The following EBF2 variants were observed in gnomAD, a reference collection of about 807,000 sequenced individuals.
The protein encoded by EBF2 is transcription factor COE2.
A neutral mutation model predicts 72.8 loss-of-function variants in EBF2; 21 were observed. That is an observed-to-expected ratio of 0.29 (90% confidence interval 0.20 to 0.42). The LOEUF (loss-of-function observed/expected upper bound fraction) is 0.42. Ranked by LOEUF, EBF2 falls within the 10% of genes least tolerant of loss-of-function variation. The pLI is 1.00. For synonymous variants in EBF2, 299 were observed against 274.2 expected, an observed-to-expected ratio of 1.09 and a Z score of -0.89; for missense variants, 637 against 731.2, an observed-to-expected ratio of 0.87 and a Z score of 1.49.
At chr8:26,022,723 C>T (rs1273615004) in intron 6 of EBF2, among the ~76,000 whole-genome samples, 1 of 152,146 alleles carries the variant, frequency 6.6e-6, no homozygotes. Context: ...TCGAGGGGAC[C>T]AGGAAAGTTT....
At chr8:25,926,362 C>G (rs1803386277) in intron 6 of EBF2, among the ~76,000 whole-genome samples, 1 of 152,158 alleles carries the variant, frequency 6.6e-6, no homozygotes, top group Non-Finnish European at 1.5e-5. Flanking sequence ...GATGTGTCTC[C>G]TCTCACCCCC....
intron 6 of EBF2, among the ~76,000 whole-genome samples, chr8:25,935,042 G>A (rs937219555): frequency 1.3e-5 from 2 of 152,112 alleles, no homozygotes; most frequent in African/African-American, 4.8e-5. Context: ...GGTGGGCAGC[G>A]GGCAGGATCC....
At chr8:25,982,417 C>T (rs1449150620) in intron 6 of EBF2, among the ~76,000 whole-genome samples, 1 of 152,174 alleles carries the variant, frequency 6.6e-6, no homozygotes, top group Non-Finnish European at 1.5e-5. Context: ...TGGCCCCGCT[C>T]CCTCATCCCT....
intron 6 of EBF2, among the ~76,000 whole-genome samples, chr8:25,929,080 A>T (rs749254729): frequency 2.0e-5 from 3 of 152,248 alleles, no homozygotes; most frequent in African/African-American, 7.2e-5. Context: ...ATGGAAAGTA[A>T]TATTACAACT....
intron 6 of EBF2, among the ~76,000 whole-genome samples, chr8:25,960,751 G>T (rs1327519193): frequency 1.3e-5 from 2 of 152,204 alleles, no homozygotes; most frequent in East Asian, 1.9e-4. Context: ...AGATGGAGCT[G>T]TTGGGGTGGT....
intron 14 of EBF2, 148 bp from the exon 15 acceptor site, chr8:25,850,909 T>A: frequency 1.2e-6 from 1 of 809,692 alleles, no homozygotes; most frequent in Non-Finnish European, 1.8e-6. Context: ...GTGACAACAT[T>A]CCCACCATGT....
intron 10 of EBF2, among the ~76,000 whole-genome samples, chr8:25,866,076 C>G (rs1488053020): frequency 6.6e-6 from 1 of 151,774 alleles, no homozygotes; most frequent in Non-Finnish European, 1.5e-5. Flanking sequence ...AGCCAAAACC[C>G]CTGACAGATA....
At chr8:25,992,348 A>AAAG (rs1453204977) in intron 6 of EBF2, among the ~76,000 whole-genome samples, 3 of 151,198 alleles carry the variant, frequency 2.0e-5, no homozygotes, top group Non-Finnish European at 4.4e-5. Flanking sequence ...AAAAAAAAAA[A>AAAG]AAAAAAAAAG....
chr8:25,861,033 CTAAG>C lies in EBF2; in HGVS notation c.1342+12_1342+15del, dbSNP rs1802202893. ...AATTAGACATATTTGGATTTTGACT[CTAAG>C]AAAGGTGGTACCTTGATTATTTCCT... On this transcript the variant is annotated intron_variant, in intron 13 of 15. Coordinates refer to ENST00000520164, the MANE Select transcript of EBF2 (RefSeq NM_022659.4). The C allele has an allele frequency of 6.2e-7, 1 of 1,614,004 alleles. No individual in the cohort carries two copies.
At chr8:25,865,308 T>C (rs1802290520) in intron 10 of EBF2, among the ~76,000 whole-genome samples, 2 of 152,058 alleles carry the variant, frequency 1.3e-5, no homozygotes, top group African/African-American at 4.8e-5. Context: ...AATTTTTTGG[T>C]ATTTCACTTT....
rs74538072 is a variant in EBF2 at position 25,966,136 on chromosome 8, A to G, written c.552-57581T>C. 2.2e-4 allele frequency among the ~76,000 whole-genome samples: 33 copies of G among 152,348 alleles called. No individual in the cohort carries two copies. In the East Asian group the frequency reaches 5.6e-3, roughly 26 times the overall value. The stretch of plus-strand genomic sequence containing the variant: ...CAGGCTGGCTCCTTCTCAAAGGGCA[A>G]GAGGGCTTTTGCTCAAGGCCTGAGG... On this transcript the variant is annotated intron_variant, in intron 6 of 15. Transcript: ENST00000520164.
intron 6 of EBF2, among the ~76,000 whole-genome samples, chr8:25,944,628 T>C (rs868449142): frequency 1.4e-5 from 2 of 148,120 alleles, no homozygotes; most frequent in Non-Finnish European, 3.0e-5. Flanking sequence ...ATCTACAATA[T>C]ACATTATATA....
At chr8:26,040,543 C>G (rs1325618268) in intron 4 of EBF2, 73 bp downstream of exon 4, 8 of 1,442,276 alleles carry the variant, frequency 5.5e-6, no homozygotes, top group Non-Finnish European at 6.6e-6. Context: ...AGGGGCAGGT[C>G]AGAAACAAAC....
chr8:25,916,947 A>T (rs1453676685), intron 6 of EBF2, among the ~76,000 whole-genome samples: 6 of 152,132 alleles, frequency 3.9e-5, no homozygotes, highest in Admixed American at 2.6e-4. Flanking sequence ...ATCAGGAAGG[A>T]GCTACTTCCC....
At chr8:25,966,544 C>G (rs866989323) in intron 6 of EBF2, among the ~76,000 whole-genome samples, 1 of 152,208 alleles carries the variant, frequency 6.6e-6, no homozygotes, top group Non-Finnish European at 1.5e-5. Context: ...TTGCTGTTAA[C>G]TCCAAAGGGG....
intron 14 of EBF2, among the ~76,000 whole-genome samples, chr8:25,851,741 G>A (rs1470484125): frequency 1.3e-5 from 2 of 152,176 alleles, no homozygotes; most frequent in African/African-American, 4.8e-5. Flanking sequence ...ACCAAGCCCA[G>A]CAGTGCTATT....
At position 25,972,259 on chromosome 8, in the gene EBF2, C is replaced by T. The variant is rs577436511; in HGVS notation, c.551+60826G>A. 2.8e-4 allele frequency among the ~76,000 whole-genome samples: 42 copies of T among 152,208 alleles called. No individual in the cohort carries two copies. In the South Asian group the frequency reaches 8.3e-3, roughly 30 times the overall value. ...CCCTCCTTCGTAGACCCCGAGGGAG[C>T]CAACAATTACAATCTTGGTCCACCC... On this transcript the variant is annotated intron_variant, in intron 6 of 15. Coordinates refer to ENST00000520164, the MANE Select transcript of EBF2 (RefSeq NM_022659.4).
At chr8:26,037,525 G>C (rs1805523146) in intron 5 of EBF2, among the ~76,000 whole-genome samples, 1 of 152,186 alleles carries the variant, frequency 6.6e-6, no homozygotes, top group Admixed American at 6.5e-5. Context: ...GGCCGATAAA[G>C]ACACTGGCCC....
chr8:25,882,739 CTA>C (rs1184386489), intron 10 of EBF2, among the ~76,000 whole-genome samples: 1 of 152,172 alleles, frequency 6.6e-6, no homozygotes, highest in Non-Finnish European at 1.5e-5. Flanking sequence ...GCAAGCCACA[CTA>C]TGAGTCCAGG....
Sources: gnomAD v4.1 joint callset for allele counts (sites outside exome capture counted in the v4.1 genomes callset) on GRCh38, gnomAD v4.1.1 for gene constraint, MANE v1.5 for transcripts, NCBI Gene and HGNC (gene_info 2026-07-23, HGNC 2026-07-21) for gene names.